Variants in ADCY10 observed in about 807,000 individuals in gnomAD.
ADCY10 encodes adenylate cyclase type 10.
Under a neutral mutation model 183.3 loss-of-function variants are expected in ADCY10, and 156 were observed. That is an observed-to-expected ratio of 0.85 (90% confidence interval 0.75 to 0.97). The LOEUF (loss-of-function observed/expected upper bound fraction) is 0.97. Ranked by LOEUF, ADCY10 falls within the 50% of genes least tolerant of loss-of-function variation. ADCY10 has a pLI of 0.00. For missense variants in ADCY10, 1,745 were observed against 1,934.3 expected, an observed-to-expected ratio of 0.90 and a Z score of 1.84; for synonymous variants, 645 against 670.0, an observed-to-expected ratio of 0.96 and a Z score of 0.58.
At chr1:167,833,613 C>T (rs533075530) in intron 24 of ADCY10, among the ~76,000 whole-genome samples, 14 of 152,098 alleles carry the variant, frequency 9.2e-5, no homozygotes, top group Admixed American at 3.3e-4. Context: ...GGCGTGGTGG[C>T]GCATGCCTGT....
intron 23 of ADCY10, among the ~76,000 whole-genome samples, chr1:167,834,988 CATAA>C (rs1295666793): frequency 6.6e-6 from 1 of 152,180 alleles, no homozygotes; most frequent in Non-Finnish European, 1.5e-5. Context: ...TCATTCTTAA[CATAA>C]ATGTTTCAAG....
intron 3 of ADCY10, among the ~76,000 whole-genome samples, chr1:167,903,255 C>CT: frequency 1.4e-5 from 2 of 143,258 alleles, no homozygotes; most frequent in South Asian, 2.2e-4. Flanking sequence ...GACTCTGACT[C>CT]AAAAAAAAAA....
chr1:167,900,572 G>C (rs370198550), intron 5 of ADCY10, among the ~76,000 whole-genome samples: 1 of 150,406 alleles, frequency 6.6e-6, no homozygotes, highest in African/African-American at 2.5e-5. Context: ...CACGCTTGTT[G>C]CCCAGGCTGG....
intron 16 of ADCY10, among the ~76,000 whole-genome samples, chr1:167,858,152 A>C (rs1262702821): frequency 6.6e-6 from 1 of 152,146 alleles, no homozygotes; most frequent in African/African-American, 2.4e-5. Flanking sequence ...TACAATTATG[A>C]GGCACATTTC....
intron 26 of ADCY10, among the ~76,000 whole-genome samples, chr1:167,825,832 A>G (rs1663249594): frequency 6.6e-6 from 1 of 152,202 alleles, no homozygotes; most frequent in South Asian, 2.1e-4. Context: ...TTTAAGAGAA[A>G]CTGGTTACTC....
chr1:167,848,784 G>A (rs1665259195), intron 18 of ADCY10, among the ~76,000 whole-genome samples: 1 of 152,098 alleles, frequency 6.6e-6, no homozygotes, highest in Non-Finnish European at 1.5e-5. Context: ...AAGTAGCTGG[G>A]ATTACAGCCG....
At chr1:167,822,164 A>T (rs1662952969) in intron 29 of ADCY10, 23 bp from the exon 30 acceptor site, 1 of 1,398,642 alleles carries the variant, frequency 7.1e-7, no homozygotes. Flanking sequence ...GGAATGGGTG[A>T]GAGTTATTAG....
At chr1:167,890,306 A>T (rs1182463112) in intron 8 of ADCY10, among the ~76,000 whole-genome samples, 1 of 152,224 alleles carries the variant, frequency 6.6e-6, no homozygotes, top group African/African-American at 2.4e-5. Flanking sequence ...TTGCAGACTT[A>T]TAGAGGTACC....
At chr1:167,832,154 G>C (rs765569172) in intron 25 of ADCY10, among the ~76,000 whole-genome samples, 8 of 152,214 alleles carry the variant, frequency 5.3e-5, no homozygotes, top group Non-Finnish European at 1.0e-4. Flanking sequence ...AGAACCTATA[G>C]TAATATAGCT....
chr1:167,848,640 T>A, intron 18 of ADCY10, 151 bp from the exon 19 acceptor site: 3 of 868,888 alleles, frequency 3.5e-6, no homozygotes, highest in Non-Finnish European at 5.2e-6. Context: ...CTTTTTTTTG[T>A]TTTGTTTTGT....
Position 167,905,149 on chromosome 1 carries a change from C to T in ADCY10, c.-9G>A, listed in dbSNP as rs745478686. On this transcript the variant is annotated 5_prime_UTR_variant, in exon 2 of 33. Transcript: ENST00000367851. Reference sequence around the variant, plus strand: ...TCTTTTGGAGTGTTCATGTTCAAGACAAATGTTCAGGATTTTATGGTGACA... The same window carrying T: ...TCTTTTGGAGTGTTCATGTTCAAGATAAATGTTCAGGATTTTATGGTGACA... 3.7e-6 allele frequency: 6 copies of T among 1,614,162 alleles called. No homozygotes were observed. Among genetic ancestry groups the T allele is most frequent in the Middle Eastern group, 1.6e-4 (1 of 6,062 alleles).
chr1:167,832,034 T>C (rs1238108622), intron 25 of ADCY10, among the ~76,000 whole-genome samples: 1 of 152,118 alleles, frequency 6.6e-6, no homozygotes, highest in African/African-American at 2.4e-5. Flanking sequence ...CACCTCAGGA[T>C]TCCCTACATT....
At chr1:167,836,886 G>A (rs1664246054) in intron 22 of ADCY10, among the ~76,000 whole-genome samples, 1 of 152,162 alleles carries the variant, frequency 6.6e-6, no homozygotes, top group South Asian at 2.1e-4. Context: ...TTAGCCGGGT[G>A]TGGTGGCAGG....
chr1:167,846,380 T>A, intron 19 of ADCY10, 117 bp from the exon 20 acceptor site: 1 of 1,263,844 alleles, frequency 7.9e-7, no homozygotes, highest in Non-Finnish European at 1.1e-6. Context: ...TGCAAGAAAC[T>A]CAGCCAAGCT....
chr1:167,861,718 A>G (rs1046465353), intron 14 of ADCY10, among the ~76,000 whole-genome samples: 4 of 151,964 alleles, frequency 2.6e-5, no homozygotes, highest in African/African-American at 9.7e-5. Context: ...TGCCCTCACT[A>G]TATTCAACTT....
At chr1:167,814,740 A>G (rs778866334) in intron 31 of ADCY10, among the ~76,000 whole-genome samples, 4 of 152,234 alleles carry the variant, frequency 2.6e-5, no homozygotes, top group Non-Finnish European at 5.9e-5. Flanking sequence ...AGACATGGAT[A>G]CACAACATTA....
chr1:167,875,081 G>T, intron 13 of ADCY10, 50 bp downstream of exon 13: 2 of 1,425,654 alleles, frequency 1.4e-6, no homozygotes, highest in Non-Finnish European at 2.0e-6. Context: ...TTTTCTGCAT[G>T]TTTTGTTTTA....
intron 24 of ADCY10, among the ~76,000 whole-genome samples, chr1:167,833,551 G>A (rs1435743333): frequency 3.9e-5 from 6 of 152,254 alleles, no homozygotes; most frequent in African/African-American, 1.4e-4. Context: ...TTTGAGACCA[G>A]CCTGGCCAAC....
intron 28 of ADCY10, 120 bp downstream of exon 28, chr1:167,824,356 A>G: frequency 2.3e-6 from 2 of 859,382 alleles, no homozygotes; most frequent in South Asian, 2.7e-5. Flanking sequence ...TATCAGTTAC[A>G]TTTTCTTACT....
Sources: gnomAD v4.1 joint callset for allele counts (sites outside exome capture counted in the v4.1 genomes callset) on GRCh38, gnomAD v4.1.1 for gene constraint, MANE v1.5 for transcripts, NCBI Gene and HGNC (gene_info 2026-07-23, HGNC 2026-07-21) for gene names.